KCTD15: variants seen among roughly 807,000 people sequenced by gnomAD.
KCTD15 encodes the protein BTB/POZ domain-containing protein KCTD15.
A neutral mutation model predicts 27.2 loss-of-function variants in KCTD15; 11 were observed. The observed-to-expected ratio is 0.41, with a 90% CI of 0.25 to 0.67. The LOEUF is 0.67. KCTD15 is among the 30% of genes least tolerant of loss of function. The pLI is 0.35. For synonymous variants in KCTD15, 163 were observed against 176.0 expected (o/e 0.93, Z 0.58); for missense variants, 350 against 409.3 (o/e 0.86, Z 1.25).
chr19:33,807,324 A>C (rs531864829), intron 5 of KCTD15, among the ~76,000 whole-genome samples: 1 of 152,346 alleles, frequency 6.6e-6, no homozygotes, highest in East Asian at 1.9e-4. Flanking sequence ...GCAGTGGTTC[A>C]TGCCTGTAAT....
At chr19:33,808,478 G>A (rs1053791492) in intron 5 of KCTD15, among the ~76,000 whole-genome samples, 4 of 152,054 alleles carry the variant, frequency 2.6e-5, no homozygotes, top group African/African-American at 4.8e-5. Flanking sequence ...GGGGATGGGG[G>A]TGGCAGATGG....
chr19:33,813,071 C>T lies in KCTD15; in HGVS notation c.*123C>T. On this transcript the variant is annotated 3_prime_UTR_variant, in exon 7 of 7. Coordinates refer to ENST00000683859, the MANE Select transcript of KCTD15 (RefSeq NM_001129994.2). ...GTGAGGCTGGAGGGTCCAAAGCTGG[C>T]CCAGCGAGCACCAGGGTCCCAGGTG... The T allele has an allele frequency of 9.9e-7, 1 of 1,014,226 alleles. No individual in the cohort carries two copies. Among genetic ancestry groups the T allele is most frequent in the Non-Finnish European group, 1.5e-6 (1 of 685,926 alleles). 62.8% of individuals were successfully genotyped at this position (1,014,226 alleles called of 1,614,324 possible). A position where few individuals can be genotyped will look rare whatever the true frequency, so the allele number is the denominator to read the frequency against.
Position 33,813,145 on chromosome 19 carries a change from G to C in KCTD15, c.*197G>C. On this transcript the variant is annotated 3_prime_UTR_variant, in exon 7 of 7. Coordinates refer to ENST00000683859, the MANE Select transcript of KCTD15 (RefSeq NM_001129994.2). Reference sequence around the variant, plus strand: ...CTGGAGGCATGCCTGCAGAAGGACTGTTGATGCGACCCAAAGATACAGCGG... The same window carrying C: ...CTGGAGGCATGCCTGCAGAAGGACTCTTGATGCGACCCAAAGATACAGCGG... The C allele has an allele frequency of 1.6e-6, 1 of 637,108 alleles. No homozygotes were observed. The highest frequency in any genetic ancestry group is 1.9e-5 in the South Asian group (1 of 53,584). The allele number at this position is 637,108 out of a possible 1,614,324, so 39.5% of individuals were successfully genotyped here.
chr19:33,794,893 A>T (rs866164253), upstream of KCTD15, among the ~76,000 whole-genome samples: 1 of 152,238 alleles, frequency 6.6e-6, no homozygotes, highest in Non-Finnish European at 1.5e-5. Context: ...GGGCCTGGCC[A>T]GCGTGCCGAA....
Position 33,811,927 on chromosome 19 carries a change from GC to G in KCTD15, c.693+379del, listed in dbSNP as rs796703063. The G allele has an allele frequency of 7.9e-5, 122 of 1,549,630 alleles. No individual in the cohort carries two copies. In the African/African-American group the frequency reaches 1.2e-3, roughly 16 times the overall value. ...AGGCTGAGTGGAAAGGTGGTCTGGA[GC>G]CCCTTCCCTCTCCCTGCTGACCTGG... On this transcript the variant is annotated intron_variant, in intron 6 of 6. Coordinates refer to ENST00000683859, the MANE Select transcript of KCTD15 (RefSeq NM_001129994.2).
rs944530673 is a variant in KCTD15, at chr19:33,815,562, T to C, written c.*2614T>C. The C allele has an allele frequency of 7.9e-5, 12 of 152,194 alleles. No homozygotes were observed. Among genetic ancestry groups the C allele is most frequent in the African/African-American group, 2.9e-4 (12 of 41,510 alleles). 9.4% of individuals were successfully genotyped at this position (152,194 alleles called of 1,614,324 possible). A position where few individuals can be genotyped will look rare whatever the true frequency, so the allele number is the denominator to read the frequency against. Reference sequence around the variant, plus strand: ...AGAACCATGCCAAAGCTTCCCCGTTTCCCACCAAACCCCTGCCAGTGAGTG... The same window carrying C: ...AGAACCATGCCAAAGCTTCCCCGTTCCCCACCAAACCCCTGCCAGTGAGTG... On this transcript the variant is annotated 3_prime_UTR_variant, in exon 7 of 7. Transcript: ENST00000683859.
intron 5 of KCTD15, among the ~76,000 whole-genome samples, chr19:33,810,682 A>AC (rs1220726392): frequency 7.2e-6 from 1 of 138,918 alleles, no homozygotes; most frequent in Non-Finnish European, 1.5e-5. Context: ...AAACAAAAAA[A>AC]AAAAACAAAA....
At chr19:33,806,835 G>A in intron 4 of KCTD15, 28 bp from the exon 5 acceptor site, 2 of 1,609,488 alleles carry the variant, frequency 1.2e-6, no homozygotes, top group Non-Finnish European at 1.7e-6. Context: ...CATCCCTTCA[G>A]ACATCCCACC....
At position 33,811,443 on chromosome 19, in the gene KCTD15, C is replaced by G; in HGVS notation, c.584C>G (p.Pro195Arg). ...GEKALIEEVF[P>R]ETGDVMCNSV... ...AAGGCCCTCATCGAGGAGGTCTTCC[C>G]CGAGACCGGAGACGTCATGTGCAAC... The change falls in exon 6 of 7, where the codon CCC becomes CGC. Residue 195 changes from proline to arginine, a missense_variant. Pro to Arg is a moderately radical substitution (Grantham distance 103). This residue lies in a region of KCTD15 where 219 missense variants were observed against 234.9 expected (regional missense o/e 0.93). Transcript: ENST00000683859. The G allele has an allele frequency of 1.2e-6, 2 of 1,612,774 alleles. No homozygotes were observed. The highest frequency in any genetic ancestry group is 1.1e-5 in the South Asian group (1 of 91,020).
At position 33,800,939 on chromosome 19, in the gene KCTD15, TAAG is replaced by T. The variant is rs1404846650; in HGVS notation, c.67-227_67-225del. Among the ~76,000 whole-genome samples, 9 of 152,344 alleles carry T rather than the reference TAAG, an allele frequency of 5.9e-5. No individual in the cohort carries two copies. The South Asian group carries it at 1.9e-3, about 32-fold the overall frequency. ...TTTTTTCTTGATTTCTTATTGCTAA[TAAG>T]CATCTTTCTTTTTCCCTCTGGTACT... On this transcript the variant is annotated intron_variant, in intron 3 of 6. Coordinates refer to ENST00000683859, the MANE Select transcript of KCTD15 (RefSeq NM_001129994.2).
Position 33,815,140 on chromosome 19 carries a change from C to T in KCTD15, c.*2192C>T, listed in dbSNP as rs1405167752. 1.3e-5 allele frequency: 2 copies of T among 152,032 alleles called. No individual in the cohort carries two copies. The highest frequency in any genetic ancestry group is 2.9e-5 in the Non-Finnish European group (2 of 68,004). The allele number at this position is 152,032 out of a possible 1,614,324, so 9.4% of individuals were successfully genotyped here. On this transcript the variant is annotated 3_prime_UTR_variant, in exon 7 of 7. Coordinates refer to ENST00000683859, the MANE Select transcript of KCTD15 (RefSeq NM_001129994.2). ...ATGGTTACCGAGTGGTAGAGATTCT[C>T]GAACATTCTCAAACTCTCTTTTTGG... is the stretch of plus-strand genomic sequence containing the variant.
intron 1 of KCTD15, chr19:33,797,275 TGTGTGTGTGC>T (rs752232443): frequency 0.05 from 13,128 of 265,128 alleles, 928 homozygotes; most frequent in African/African-American, 0.22. Context: ...TGTGTGTGTG[TGTGTGTGTGC>T]GCGCGCGCGC....
At position 33,812,892 on chromosome 19, in the gene KCTD15, C is replaced by T. The variant is rs776149120; in HGVS notation, c.796C>T (p.Arg266Trp). ...CGAGTATGTGCTTTGCCGGGAGGAG[C>T]GGCGGCCGCAGCCCACCCCCACTGC... ...FSEYVLCREE[R>W]RPQPTPTAVR... Residue 266 changes from arginine to tryptophan, a missense_variant, in exon 7 of 7, where the codon CGG becomes TGG. Physicochemically the swap from Arg to Trp is moderately radical, Grantham distance 101. Around this residue, in one of 3 missense-constraint regions of KCTD15, gnomAD observed 219 missense variants for 234.9 expected, o/e 0.93. Coordinates refer to ENST00000683859, the MANE Select transcript of KCTD15 (RefSeq NM_001129994.2). 1.3e-5 allele frequency: 20 copies of T among 1,549,814 alleles called. No individual in the cohort carries two copies. The highest frequency in any genetic ancestry group is 1.7e-4 in the Middle Eastern group (1 of 6,004).
chr19:33,801,574 G>A (rs1340439423), intron 4 of KCTD15: 4 of 428,134 alleles, frequency 9.3e-6, no homozygotes, highest in Non-Finnish European at 1.2e-5. Flanking sequence ...GTAGTGCAAG[G>A]TGGAGCTCCT....
intron 5 of KCTD15, among the ~76,000 whole-genome samples, chr19:33,808,973 A>G (rs1975797793): frequency 6.6e-6 from 1 of 151,176 alleles, no homozygotes; most frequent in South Asian, 2.1e-4. Context: ...TGTCTATACA[A>G]ATTTGTTTTT....
rs760316428 is a variant in KCTD15, at chr19:33,800,533, G to C, written c.66+13G>C. 21 of 1,580,064 alleles carry C rather than the reference G, an allele frequency of 1.3e-5. No individual in the cohort carries two copies. In the South Asian group the frequency reaches 2.3e-4, roughly 17 times the overall value. Reference sequence around the variant, plus strand: ...CACCGGCACCGCGGTGAGCCTGCAGGGTGGGCTGGGTCCCTGCCGGGAGTT... The same window carrying C: ...CACCGGCACCGCGGTGAGCCTGCAGCGTGGGCTGGGTCCCTGCCGGGAGTT... On this transcript the variant is annotated intron_variant, in intron 3 of 6. Coordinates refer to ENST00000683859, the MANE Select transcript of KCTD15 (RefSeq NM_001129994.2).
chr19:33,813,832 C>G lies in KCTD15; in HGVS notation c.*884C>G, dbSNP rs998971779. On this transcript the variant is annotated 3_prime_UTR_variant, in exon 7 of 7. Transcript: ENST00000683859. ...AGCAGCGTCTTCTAGGTCCCCAGCT[C>G]AGGGAGCCATCCCCAGCTCCAGTTT... 5 of 157,696 alleles carry G rather than the reference C, an allele frequency of 3.2e-5. No homozygotes were observed. Among genetic ancestry groups the G allele is most frequent in the African/African-American group, 9.6e-5 (4 of 41,492 alleles). The allele number at this position is 157,696 out of a possible 1,614,324, so 9.8% of individuals were successfully genotyped here. A position where few individuals can be genotyped will look rare whatever the true frequency, so the allele number is the denominator to read the frequency against.
At chr19:33,798,092 G>T (rs184576069) in intron 1 of KCTD15, among the ~76,000 whole-genome samples, 9 of 152,028 alleles carry the variant, frequency 5.9e-5, no homozygotes, top group Admixed American at 2.6e-4. Flanking sequence ...AGGCGGGAGG[G>T]GGGGGGTGGG....
chr19:33,796,638 C>G (rs111467005), upstream of KCTD15: 16,749 of 150,092 alleles, frequency 0.11, 1,119 homozygotes, highest in Non-Finnish European at 0.15. Context: ...GGGAGGCCGC[C>G]GGAGAGAGAG....
Sources: allele counts gnomAD v4.1 joint callset (sites outside exome capture counted in the v4.1 genomes callset), GRCh38; gene constraint gnomAD v4.1.1; regional missense constraint gnomAD v4.1.1; transcripts MANE v1.5; gene names NCBI Gene and HGNC (gene_info 2026-07-23, HGNC 2026-07-21).